The following P2RY12 variants were observed in gnomAD, a reference collection of about 807,000 sequenced individuals.
P2RY12 encodes purinergic receptor P2Y12, also known as P2Y purinoceptor 12.
In P2RY12, 3 loss-of-function variants were observed where a neutral mutation model predicts 4.5. The ratio of observed to expected loss-of-function variants is 0.67; its 90% CI spans 0.31 to 1.74. The LOEUF is 1.74. Among genes scored for constraint, P2RY12 ranks in the 40% most tolerant of loss-of-function variants. The probability of loss-of-function intolerance (pLI) is 0.09; values close to 1 mark genes in which losing one functional copy is unlikely to be tolerated. For missense variants in P2RY12, 356 were observed against 407.8 expected (o/e 0.87, Z 1.09); for synonymous variants, 148 against 154.1 (o/e 0.96, Z 0.29).
intron 1 of P2RY12, chr3:151,367,617 A>G: frequency 6.3e-7 from 1 of 1,588,894 alleles, no homozygotes; most frequent in Non-Finnish European, 8.6e-7. Flanking sequence ...GTTGTTAGGT[A>G]TTAAAACCTG....
At chr3:151,343,629 A>AC (rs552192211) in intron 1 of P2RY12, among the ~76,000 whole-genome samples, 286 of 151,948 alleles carry the variant, frequency 1.9e-3, no homozygotes, top group African/African-American at 6.3e-3. Flanking sequence ...AATAACATCA[A>AC]CACATACAGT....
At chr3:151,368,880 G>C (rs938604919) in intron 1 of P2RY12, among the ~76,000 whole-genome samples, 1 of 150,370 alleles carries the variant, frequency 6.7e-6, no homozygotes, top group African/African-American at 2.5e-5. Flanking sequence ...TCTTGCCTCA[G>C]CCTCTCAAGT....
At chr3:151,378,950 C>CT (rs1711714574) in intron 1 of P2RY12, among the ~76,000 whole-genome samples, 1 of 152,184 alleles carries the variant, frequency 6.6e-6, no homozygotes, top group South Asian at 2.1e-4. Flanking sequence ...GGTAGGTACT[C>CT]TCATTATCTT....
At chr3:151,352,890 G>C (rs1753412996) in intron 1 of P2RY12, among the ~76,000 whole-genome samples, 1 of 152,130 alleles carries the variant, frequency 6.6e-6, no homozygotes, top group Non-Finnish European at 1.5e-5. Context: ...AGCAACAAAA[G>C]AGCAATAATA....
At chr3:151,351,045 T>A (rs1200764743) in intron 1 of P2RY12, among the ~76,000 whole-genome samples, 1 of 152,258 alleles carries the variant, frequency 6.6e-6, no homozygotes, top group Non-Finnish European at 1.5e-5. Flanking sequence ...GTTTACTCTA[T>A]GTAAACAACA....
chr3:151,370,625 G>A (rs535650922), intron 1 of P2RY12, among the ~76,000 whole-genome samples: 70 of 152,264 alleles, frequency 4.6e-4, no homozygotes, highest in African/African-American at 1.6e-3. Context: ...ATTTCAGTGA[G>A]TAGAATTTCC....
At chr3:151,359,717 T>C (rs1038887600) in intron 1 of P2RY12, among the ~76,000 whole-genome samples, 3 of 152,146 alleles carry the variant, frequency 2.0e-5, no homozygotes, top group African/African-American at 7.2e-5. Context: ...TTTAATAATC[T>C]GTCATCTGTG....
chr3:151,351,048 A>C (rs1449742811), intron 1 of P2RY12, among the ~76,000 whole-genome samples: 1 of 152,236 alleles, frequency 6.6e-6, no homozygotes, highest in Non-Finnish European at 1.5e-5. Flanking sequence ...TACTCTATGT[A>C]AACAACATTC....
At chr3:151,378,246 GTGTGGTCAC>G in intron 1 of P2RY12, 1 of 1,413,910 alleles carries the variant, frequency 7.1e-7, no homozygotes, top group Non-Finnish European at 9.4e-7. Flanking sequence ...CTGTAAACCT[GTGTGGTCAC>G]TGTACCCACA....
intron 1 of P2RY12, chr3:151,377,255 T>C: frequency 8.2e-7 from 1 of 1,216,130 alleles, no homozygotes; most frequent in Non-Finnish European, 1.2e-6. Flanking sequence ...GCACAGTGAT[T>C]TTTCTTTAAG....
At chr3:151,379,967 G>T in intron 1 of P2RY12, 1 of 541,254 alleles carries the variant, frequency 1.8e-6, no homozygotes, top group Non-Finnish European at 3.2e-6. Flanking sequence ...TTTATAAGTA[G>T]AGGTATGATT....
At chr3:151,355,336 G>T in intron 1 of P2RY12, 1 of 726,750 alleles carries the variant, frequency 1.4e-6, no homozygotes, top group South Asian at 1.9e-5. Context: ...AATGGTTTTA[G>T]ACATATATTT....
Position 151,356,554 on chromosome 3 carries a change from A to G in P2RY12, c.-179-15794T>C, listed in dbSNP as rs969547571. On this transcript the variant is annotated intron_variant, in intron 1 of 2. Coordinates refer to ENST00000302632, the MANE Select transcript of P2RY12 (RefSeq NM_022788.5). ...TTTAAAGTTGTGTTCATAGTTTTCA[A>G]TTAAATAATTATCATTGGTGCCAAA... Among the ~76,000 whole-genome samples, 106 of 152,328 alleles carry G rather than the reference A, an allele frequency of 7.0e-4. 1 individual carries two copies. The highest frequency in any genetic ancestry group is 2.5e-3 in the African/African-American group (104 of 41,584).
intron 1 of P2RY12, among the ~76,000 whole-genome samples, chr3:151,361,005 T>G (rs1754535943): frequency 6.6e-6 from 1 of 152,142 alleles, no homozygotes; most frequent in Non-Finnish European, 1.5e-5. Flanking sequence ...CAATTTGGAT[T>G]ATAAATCTAA....
chr3:151,367,892 G>A (rs192116064), intron 1 of P2RY12: 90 of 1,077,342 alleles, frequency 8.4e-5, no homozygotes, highest in Admixed American at 5.2e-4. Context: ...GTAGTATCAA[G>A]GTAGATATGG....
intron 1 of P2RY12, among the ~76,000 whole-genome samples, chr3:151,380,989 T>C (rs1178954886): frequency 6.6e-6 from 1 of 152,194 alleles, no homozygotes; most frequent in Non-Finnish European, 1.5e-5. Context: ...AGAAGGCATG[T>C]TGGTTTATTT....
chr3:151,352,163 G>A (rs12497330), intron 1 of P2RY12, among the ~76,000 whole-genome samples: 51,230 of 151,832 alleles, frequency 0.34, 8,898 homozygotes, highest in South Asian at 0.39. Context: ...TTTTCTCTTG[G>A]GGATGCTTAA....
intron 1 of P2RY12, chr3:151,384,070 T>C (rs1206473295): frequency 6.2e-7 from 1 of 1,605,032 alleles, no homozygotes; most frequent in African/African-American, 1.3e-5. Context: ...AAAATAATTA[T>C]TTTCTTTCTT....
At chr3:151,357,615 T>C (rs937937108) in intron 1 of P2RY12, among the ~76,000 whole-genome samples, 4 of 152,186 alleles carry the variant, frequency 2.6e-5, no homozygotes, top group Non-Finnish European at 5.9e-5. Context: ...CTCTCCCTGG[T>C]TTCTAAGTAC....
Sources: gnomAD v4.1 joint callset for allele counts (sites outside exome capture counted in the v4.1 genomes callset) on GRCh38, gnomAD v4.1.1 for gene constraint, MANE v1.5 for transcripts, NCBI Gene and HGNC (gene_info 2026-07-23, HGNC 2026-07-21) for gene names.